Variants in SPATS2L observed in about 807,000 individuals in gnomAD.
SPATS2L encodes the protein SPATS2-like protein.
SPATS2L carries 30 observed loss-of-function variants against 59.6 expected under a neutral mutation model. That is an observed-to-expected ratio of 0.50 (90% CI 0.38 to 0.68). The LOEUF is 0.68. SPATS2L is among the 30% of genes least tolerant of loss of function. The pLI, the probability that SPATS2L is intolerant of heterozygous loss-of-function variation, is 0.00. For synonymous variants in SPATS2L, 252 were observed against 263.5 expected, an observed-to-expected ratio of 0.96 and a Z score of 0.42; for missense variants, 615 against 700.0, an observed-to-expected ratio of 0.88 and a Z score of 1.37.
At chr2:200,319,931 G>C (rs1400241801) in intron 1 of SPATS2L, among the ~76,000 whole-genome samples, 1 of 152,028 alleles carries the variant, frequency 6.6e-6, no homozygotes, top group Non-Finnish European at 1.5e-5. Flanking sequence ...AGACAGCTTT[G>C]AATTCTAAAA....
At chr2:200,317,377 A>G (rs1023556026) in intron 1 of SPATS2L, among the ~76,000 whole-genome samples, 1 of 152,262 alleles carries the variant, frequency 6.6e-6, no homozygotes, top group Non-Finnish European at 1.5e-5. Context: ...TTGTGACTAA[A>G]TAAGATAAAA....
At chr2:200,370,528 T>C (rs2081395386) in intron 2 of SPATS2L, among the ~76,000 whole-genome samples, 1 of 152,238 alleles carries the variant, frequency 6.6e-6, no homozygotes, top group Non-Finnish European at 1.5e-5. Flanking sequence ...GACTCTGTTC[T>C]ATTCCAGATC....
At chr2:200,345,117 T>G (rs866511872) in intron 2 of SPATS2L, among the ~76,000 whole-genome samples, 23 of 152,246 alleles carry the variant, frequency 1.5e-4, no homozygotes, top group African/African-American at 1.9e-4. Context: ...GTGATTGCTT[T>G]TGGCAACTTC....
intron 2 of SPATS2L, among the ~76,000 whole-genome samples, chr2:200,385,617 CCT>C (rs1437153892): frequency 6.6e-6 from 1 of 152,184 alleles, no homozygotes; most frequent in South Asian, 2.1e-4. Context: ...CCGAAAATAA[CCT>C]CACCTGTCCC....
intron 2 of SPATS2L, among the ~76,000 whole-genome samples, chr2:200,334,661 C>A (rs894260514): frequency 3.2e-4 from 48 of 151,868 alleles, no homozygotes; most frequent in African/African-American, 1.1e-3. Context: ...ACATTTAAGT[C>A]TTTAATCCAT....
intron 2 of SPATS2L, among the ~76,000 whole-genome samples, chr2:200,331,611 T>C (rs116786446): frequency 0.03 from 4,529 of 152,266 alleles, 75 homozygotes; most frequent in Middle Eastern, 0.078. Flanking sequence ...CTCAGCTACT[T>C]AACAGCAGTG....
chr2:200,356,027 C>T (rs1010768814), intron 2 of SPATS2L, among the ~76,000 whole-genome samples: 3 of 152,120 alleles, frequency 2.0e-5, no homozygotes, highest in Non-Finnish European at 4.4e-5. Context: ...AAATAATTAA[C>T]GGAATTCATG....
At chr2:200,406,021 T>C (rs192797164) in intron 3 of SPATS2L, among the ~76,000 whole-genome samples, 2 of 152,348 alleles carry the variant, frequency 1.3e-5, no homozygotes, top group African/African-American at 4.8e-5. Context: ...GTAACCATCT[T>C]ACTAGACTCC....
chr2:200,352,334 TA>T (rs2080766740), intron 2 of SPATS2L, among the ~76,000 whole-genome samples: 2 of 14,904 alleles, frequency 1.3e-4, no homozygotes, highest in Admixed American at 3.2e-3. Flanking sequence ...TATATATATA[TA>T]TATATATATA....
chr2:200,480,766 C>T lies in SPATS2L; in HGVS notation c.*2735C>T, dbSNP rs1226416097. The T allele has an allele frequency of 3.9e-5, 6 of 152,114 alleles. No individual in the cohort carries two copies. The highest frequency in any genetic ancestry group is 4.1e-4 in the South Asian group (2 of 4,834). The allele number at this position is 152,114 out of a possible 1,614,324, so 9.4% of individuals were successfully genotyped here. ...CAATATTTTAGTGCCAATGTCAGGC[C>T]GCTTAAACACTGTATTACATATCTT... is the stretch of plus-strand genomic sequence containing the variant. On this transcript the variant is annotated 3_prime_UTR_variant, in exon 13 of 13. Transcript: ENST00000409140.
At chr2:200,419,069 T>C (rs572817527) in intron 5 of SPATS2L, among the ~76,000 whole-genome samples, 181 bp from the exon 6 acceptor site, 2 of 152,264 alleles carry the variant, frequency 1.3e-5, no homozygotes, top group South Asian at 4.1e-4. Context: ...CAACTTACTA[T>C]AAGAAAGAAG....
At chr2:200,436,905 G>T (rs1172453291) in intron 6 of SPATS2L, among the ~76,000 whole-genome samples, 1 of 152,116 alleles carries the variant, frequency 6.6e-6, no homozygotes, top group African/African-American at 2.4e-5. Flanking sequence ...CTCATGAATG[G>T]TTTAACACCA....
intron 3 of SPATS2L, among the ~76,000 whole-genome samples, chr2:200,410,189 A>G (rs1310057912): frequency 6.6e-6 from 1 of 152,050 alleles, no homozygotes; most frequent in Non-Finnish European, 1.5e-5. Context: ...ATGTAATATG[A>G]ACCCATAGTG....
At chr2:200,311,524 A>C (rs2079191424) in intron 1 of SPATS2L, among the ~76,000 whole-genome samples, 1 of 152,222 alleles carries the variant, frequency 6.6e-6, no homozygotes, top group African/African-American at 2.4e-5. Flanking sequence ...CAGTTATATA[A>C]AAGTTCAGCT....
At chr2:200,432,681 T>G (rs1048623016) in intron 6 of SPATS2L, among the ~76,000 whole-genome samples, 2 of 152,074 alleles carry the variant, frequency 1.3e-5, no homozygotes, top group African/African-American at 4.8e-5. Flanking sequence ...AACAGACCCA[T>G]TAACAACACA....
At chr2:200,477,549 G>A in intron 12 of SPATS2L, 87 bp from the exon 13 acceptor site, 1 of 859,260 alleles carries the variant, frequency 1.2e-6, no homozygotes, top group Non-Finnish European at 1.6e-6. Context: ...GCTTACCTGT[G>A]GCTTAGAGAT....
At chr2:200,310,069 C>G (rs763087762) in intron 1 of SPATS2L, among the ~76,000 whole-genome samples, 5 of 152,028 alleles carry the variant, frequency 3.3e-5, no homozygotes, top group Non-Finnish European at 7.4e-5. Flanking sequence ...GTTATCCTTC[C>G]TTGCATCATA....
At chr2:200,429,715 A>C (rs780175405) in intron 6 of SPATS2L, among the ~76,000 whole-genome samples, 7 of 152,172 alleles carry the variant, frequency 4.6e-5, no homozygotes, top group Non-Finnish European at 1.0e-4. Flanking sequence ...ATGGCCTTGC[A>C]GGGTCACTTT....
At chr2:200,397,823 G>A (rs2082403450) in intron 3 of SPATS2L, among the ~76,000 whole-genome samples, 1 of 151,694 alleles carries the variant, frequency 6.6e-6, no homozygotes, top group South Asian at 2.1e-4. Context: ...GAAAAGATAG[G>A]TATAATTAGA....
Sources: allele counts gnomAD v4.1 joint callset (sites outside exome capture counted in the v4.1 genomes callset), GRCh38; gene constraint gnomAD v4.1.1; transcripts MANE v1.5; gene names NCBI Gene and HGNC (gene_info 2026-07-23, HGNC 2026-07-21).